Variants in CDC42SE2 observed in about 807,000 individuals in gnomAD.
CDC42SE2 encodes CDC42 small effector protein 2.
In CDC42SE2, 3 loss-of-function variants were observed where a neutral mutation model predicts 11.5. The ratio of observed to expected loss-of-function variants is 0.26; its 90% CI spans 0.12 to 0.67. The LOEUF (loss-of-function observed/expected upper bound fraction) is 0.67, where lower values mean the gene tolerates loss of function less well. Among genes scored for constraint, CDC42SE2 ranks in the 30% least tolerant of loss-of-function variants. The pLI is 0.80. For synonymous variants in CDC42SE2, 33 were observed against 34.8 expected, an observed-to-expected ratio of 0.95 and a Z score of 0.18; for missense variants, 82 against 106.8, an observed-to-expected ratio of 0.77 and a Z score of 1.02.
chr5:131,353,673 A>T (rs1580774744), intron 2 of CDC42SE2, among the ~76,000 whole-genome samples: 1 of 152,154 alleles, frequency 6.6e-6, no homozygotes, highest in African/African-American at 2.4e-5. Context: ...AGGGAGGCCG[A>T]GGCCAGCGGA....
intron 1 of CDC42SE2, among the ~76,000 whole-genome samples, chr5:131,297,388 A>C (rs1218523224): frequency 6.6e-6 from 1 of 152,114 alleles, no homozygotes; most frequent in Non-Finnish European, 1.5e-5. Context: ...ATACATGAGA[A>C]AACAAATATT....
At chr5:131,337,244 G>C (rs773251302) in intron 2 of CDC42SE2, among the ~76,000 whole-genome samples, 19 of 152,286 alleles carry the variant, frequency 1.2e-4, no homozygotes, top group African/African-American at 4.6e-4. Context: ...TCCAGACCCT[G>C]TTTGCCTGGG....
upstream of CDC42SE2, among the ~76,000 whole-genome samples, chr5:131,241,009 T>G (rs1335322848): frequency 6.6e-6 from 1 of 152,030 alleles, no homozygotes; most frequent in East Asian, 1.9e-4. Context: ...GACGGAGTCT[T>G]GCTCTGTCGC....
chr5:131,324,280 G>A (rs1165724216), intron 2 of CDC42SE2, among the ~76,000 whole-genome samples: 1 of 152,114 alleles, frequency 6.6e-6, no homozygotes, highest in Non-Finnish European at 1.5e-5. Flanking sequence ...TTACTGTGCA[G>A]CTCTCTCCTT....
the CDC42SE2 span, among the ~76,000 whole-genome samples, chr5:131,221,155 A>G: frequency 3.9e-5 from 6 of 152,246 alleles, no homozygotes; most frequent in East Asian, 7.7e-4. Context: ...CAGAGTGCTA[A>G]GATTACAGAC....
At chr5:131,312,908 G>T (rs1043285800) in intron 1 of CDC42SE2, among the ~76,000 whole-genome samples, 2 of 152,106 alleles carry the variant, frequency 1.3e-5, no homozygotes, top group African/African-American at 4.8e-5. Flanking sequence ...CTTCTGTGTC[G>T]CTCACGCTGG....
chr5:131,280,296 AC>A (rs1370284725), intron 1 of CDC42SE2, among the ~76,000 whole-genome samples: 1 of 152,180 alleles, frequency 6.6e-6, no homozygotes, highest in Non-Finnish European at 1.5e-5. Context: ...TTTTAATCCT[AC>A]CACCCTAAAA....
chr5:131,318,519 G>C (rs1245540597), intron 2 of CDC42SE2, among the ~76,000 whole-genome samples: 1 of 152,128 alleles, frequency 6.6e-6, no homozygotes, highest in Non-Finnish European at 1.5e-5. Context: ...ATTTCAACCT[G>C]AAAACATAGT....
At chr5:131,380,044 A>G (rs1750272840) in intron 3 of CDC42SE2, among the ~76,000 whole-genome samples, 1 of 150,206 alleles carries the variant, frequency 6.7e-6, no homozygotes, top group African/African-American at 2.5e-5. Context: ...CTTCTGCCTC[A>G]GCCTCTCAAG....
chr5:131,246,399 T>C (rs1756582371), intron 1 of CDC42SE2, among the ~76,000 whole-genome samples: 1 of 152,176 alleles, frequency 6.6e-6, no homozygotes, highest in Non-Finnish European at 1.5e-5. Flanking sequence ...GAGGTTGCAG[T>C]GAGCCAAGAT....
intron 2 of CDC42SE2, among the ~76,000 whole-genome samples, chr5:131,348,710 G>A (rs1022021561): frequency 2.6e-5 from 4 of 152,010 alleles, no homozygotes; most frequent in African/African-American, 9.7e-5. Context: ...AAGAACAAAG[G>A]TGGAGGCATC....
intron 1 of CDC42SE2, among the ~76,000 whole-genome samples, chr5:131,291,582 A>C (rs1248892148): frequency 1.3e-5 from 2 of 152,160 alleles, no homozygotes; most frequent in Non-Finnish European, 2.9e-5. Flanking sequence ...TTTCTCATTA[A>C]AGAAGTAAAT....
intron 4 of CDC42SE2, among the ~76,000 whole-genome samples, chr5:131,388,804 A>G (rs2149790834): frequency 6.6e-6 from 1 of 152,290 alleles, no homozygotes; most frequent in African/African-American, 2.4e-5. Context: ...TCTGCTTGGC[A>G]TTATTGAATG....
chr5:131,248,492 G>C (rs1756614390), intron 1 of CDC42SE2, among the ~76,000 whole-genome samples: 1 of 152,162 alleles, frequency 6.6e-6, no homozygotes, highest in Non-Finnish European at 1.5e-5. Context: ...CATTTTTTCT[G>C]TTTAATCTTC....
At chr5:131,336,806 T>C (rs930522341) in intron 2 of CDC42SE2, among the ~76,000 whole-genome samples, 5 of 152,254 alleles carry the variant, frequency 3.3e-5, no homozygotes, top group African/African-American at 4.8e-5. Flanking sequence ...CCTTGTGCTG[T>C]GGTTTTCAGC....
rs577433971 is a variant in CDC42SE2 at position 131,251,844 on chromosome 5, C to G, written n.108-3251C>G. 9.2e-5 allele frequency among the ~76,000 whole-genome samples: 14 copies of G among 152,160 alleles called. No individual in the cohort carries two copies. In the South Asian group the frequency reaches 1.0e-3, roughly 11 times the overall value. Reference sequence around the variant, plus strand: ...GCCTAGACACATAGTGAGACCTCGTCTCTACAAAAAAATAAAAATTAACTG... The same window carrying G: ...GCCTAGACACATAGTGAGACCTCGTGTCTACAAAAAAATAAAAATTAACTG... On this transcript the variant is annotated intron_variant and non_coding_transcript_variant, in intron 1 of 3. Transcript: ENST00000502840.
intron 2 of CDC42SE2, among the ~76,000 whole-genome samples, chr5:131,345,258 A>G (rs1758811154): frequency 6.6e-6 from 1 of 152,170 alleles, no homozygotes; most frequent in Non-Finnish European, 1.5e-5. Flanking sequence ...AAACCTTGAA[A>G]AAAGATGAGA....
In CDC42SE2 at chr5:131,277,105, A is replaced by G. The variant is rs146468258; in HGVS notation, c.-455+12939A>G. ...AAATCATCATGTTGGATGACACACT[A>G]GAAGTGTTTCTTTACAATTTTGAAA... is the stretch of plus-strand genomic sequence containing the variant. On this transcript the variant is annotated intron_variant, in intron 1 of 4. Coordinates refer to ENST00000505065, the MANE Select transcript of CDC42SE2 (RefSeq NM_001375635.1). Among the ~76,000 whole-genome samples the G allele has an allele frequency of 5.9e-3, 905 of 152,322 alleles. 10 individuals are homozygous for G. Among genetic ancestry groups the G allele is most frequent in the African/African-American group, 0.021 (875 of 41,560 alleles).
At chr5:131,314,471 C>T (rs2149727951) in intron 1 of CDC42SE2, among the ~76,000 whole-genome samples, 1 of 152,154 alleles carries the variant, frequency 6.6e-6, no homozygotes, top group South Asian at 2.1e-4. Context: ...AAAATCCTGG[C>T]CTCAAGCAAT....
Sources: allele counts gnomAD v4.1 joint callset (sites outside exome capture counted in the v4.1 genomes callset), GRCh38; gene constraint gnomAD v4.1.1; transcripts MANE v1.5; gene names NCBI Gene and HGNC (gene_info 2026-07-23, HGNC 2026-07-21).